The following TGFB1 variants were observed in gnomAD, a reference collection of about 807,000 sequenced individuals.
TGFB1 encodes transforming growth factor beta 1, also known as transforming growth factor beta-1 proprotein.
A neutral mutation model predicts 43.8 loss-of-function variants in TGFB1; 19 were observed. The ratio of observed to expected loss-of-function variants is 0.43; its 90% CI spans 0.30 to 0.64. The LOEUF is 0.64. Ranked by LOEUF, TGFB1 falls within the 30% of genes least tolerant of loss-of-function variation. TGFB1 has a pLI of 0.11. For synonymous variants in TGFB1, 221 were observed against 236.3 expected (o/e 0.94, Z 0.60); for missense variants, 445 against 529.8 (o/e 0.84, Z 1.57).
At chr19:41,343,980 CTTT>C (rs3061192) in intron 3 of TGFB1, among the ~76,000 whole-genome samples, 5 of 98,628 alleles carry the variant, frequency 5.1e-5, no homozygotes, top group Admixed American at 1.2e-4. Context: ...TGCCTGGAAT[CTTT>C]TTTTTTTTTT....
intron 1 of TGFB1, among the ~76,000 whole-genome samples, chr19:41,349,202 A>C (rs2038153462): frequency 6.6e-6 from 1 of 152,164 alleles, no homozygotes; most frequent in South Asian, 2.1e-4. Context: ...ATGGGCAGTT[A>C]ACACCCTCTT....
chr19:41,351,996 C>A (rs2038204865), intron 1 of TGFB1, among the ~76,000 whole-genome samples: 1 of 152,072 alleles, frequency 6.6e-6, no homozygotes, highest in South Asian at 2.1e-4. Flanking sequence ...CTCTGCATCC[C>A]GGGCGCCCTC....
At chr19:41,336,837 C>T (rs2037993341) in intron 5 of TGFB1, among the ~76,000 whole-genome samples, 2 of 151,946 alleles carry the variant, frequency 1.3e-5, no homozygotes, top group South Asian at 4.1e-4. Context: ...AGAGGAATAT[C>T]TAGACAGAGT....
chr19:41,345,513 A>G (rs529298717), intron 2 of TGFB1, among the ~76,000 whole-genome samples: 1 of 152,260 alleles, frequency 6.6e-6, no homozygotes, highest in East Asian at 1.9e-4. Context: ...ATAATAATAA[A>G]TAAAATAAAA....
chr19:41,352,997 C>A lies in TGFB1; in HGVS notation c.48G>T (p.Leu16=). The A allele has an allele frequency of 6.5e-7, 1 of 1,537,348 alleles. No individual in the cohort carries two copies. Among genetic ancestry groups the A allele is most frequent in the Non-Finnish European group, 8.7e-7 (1 of 1,145,556 alleles). ...GGCCAGGCGTCAGCACCAGTAGCCA[C>A]AGCAGCGGTAGCAGCAGCGGCAGCA... ...LRLLPLLLPL[L]WLLVLTPGRP... is the part of the protein sequence containing the mutation. Residue 16 remains leucine (L), a synonymous_variant, in exon 1 of 7, where the codon CTG becomes CTT. Transcript: ENST00000221930.
chr19:41,332,232 T>G lies in TGFB1; in HGVS notation c.910A>C (p.Lys304Gln). The G allele has an allele frequency of 6.2e-7, 1 of 1,614,136 alleles. No individual in the cohort carries two copies. Among genetic ancestry groups the G allele is most frequent in the Non-Finnish European group, 8.5e-7 (1 of 1,180,014 alleles). ...CVRQLYIDFR[K>Q]DLGWKWIHEP... ...TGGATCCACTTCCAGCCGAGGTCCT[T>G]GCGGAAGTCAATGTACAGCTGCCGC... Residue 304 changes from lysine (K) to glutamine (Q), a missense_variant, in exon 6 of 7, where the codon AAG (lysine) becomes CAG (glutamine). Physicochemically the swap from Lys to Gln is moderately conservative, Grantham distance 53 (BLOSUM62 1). Around this residue, in one of 3 missense-constraint regions of TGFB1, gnomAD observed 366 missense variants for 428.8 expected, o/e 0.85. Transcript: ENST00000221930.
rs146412330 is a variant in TGFB1 at position 41,336,155 on chromosome 19, C to G, written c.861-3874G>C. On this transcript the variant is annotated intron_variant, in intron 5 of 6. Coordinates refer to ENST00000221930, the MANE Select transcript of TGFB1 (RefSeq NM_000660.7). The stretch of plus-strand genomic sequence containing the variant: ...GGATTACAGGCACACACCACCATAC[C>G]CAGCTAATTTTTCTGTATTTTTAGT... Among the ~76,000 whole-genome samples the G allele has an allele frequency of 3.6e-3, 546 of 151,928 alleles. 6 individuals carry two copies. The highest frequency in any genetic ancestry group is 0.013 in the African/African-American group (528 of 41,440).
intron 2 of TGFB1, among the ~76,000 whole-genome samples, chr19:41,347,853 G>A (rs1490921193): frequency 2.1e-5 from 3 of 139,936 alleles, no homozygotes; most frequent in African/African-American, 8.0e-5. Flanking sequence ...AAAAAAAGAG[G>A]CCAGGCGCAG....
intron 5 of TGFB1, among the ~76,000 whole-genome samples, chr19:41,334,241 G>A (rs774726420): frequency 1.3e-5 from 2 of 151,964 alleles, no homozygotes; most frequent in African/African-American, 2.4e-5. Context: ...TGGGTGTGGC[G>A]GTGCTTGTCT....
chr19:41,331,523 C>A (rs2037930699), intron 6 of TGFB1, among the ~76,000 whole-genome samples: 1 of 151,400 alleles, frequency 6.6e-6, no homozygotes, highest in South Asian at 2.1e-4. Context: ...CCGCCTCAGC[C>A]TCCGGAGTAG....
At chr19:41,339,297 T>C (rs932531961) in intron 5 of TGFB1, among the ~76,000 whole-genome samples, 3 of 151,954 alleles carry the variant, frequency 2.0e-5, no homozygotes, top group African/African-American at 7.2e-5. Flanking sequence ...TTGTATTTCT[T>C]GTACAGAGGC....
chr19:41,340,497 G>C (rs1319297009), intron 5 of TGFB1, among the ~76,000 whole-genome samples: 1 of 151,982 alleles, frequency 6.6e-6, no homozygotes, highest in Admixed American at 6.6e-5. Flanking sequence ...GGCCAGGCTG[G>C]TCTTGAACTC....
chr19:41,339,590 C>T lies in TGFB1; in HGVS notation c.860+2293G>A, dbSNP rs999309478. Among the ~76,000 whole-genome samples the T allele has an allele frequency of 2.0e-4, 30 of 151,762 alleles. No individual in the cohort carries two copies. In the South Asian group the frequency reaches 4.0e-3, roughly 20 times the overall value. ...CTGTAATCCCAGCACTTTGGGAGGC[C>T]GAGGCGGGTGGATCACGAGGTCAGG... is the stretch of plus-strand genomic sequence containing the variant. On this transcript the variant is annotated intron_variant, in intron 5 of 6. Coordinates refer to ENST00000221930, the MANE Select transcript of TGFB1 (RefSeq NM_000660.7).
intron 1 of TGFB1, among the ~76,000 whole-genome samples, chr19:41,351,742 C>G (rs1251429507): frequency 3.3e-5 from 5 of 152,046 alleles, no homozygotes; most frequent in East Asian, 1.9e-4. Context: ...AGTCACCCCC[C>G]ACCCAGCACT....
At chr19:41,335,516 G>A (rs2037979040) in intron 5 of TGFB1, among the ~76,000 whole-genome samples, 1 of 152,192 alleles carries the variant, frequency 6.6e-6, no homozygotes, top group South Asian at 2.1e-4. Flanking sequence ...ATTCTCAGGT[G>A]GCACCCCAGG....
At position 41,348,310 on chromosome 19, in the gene TGFB1, G is replaced by C; in HGVS notation, c.501C>G (p.His167Gln). The C allele has an allele frequency of 1.2e-6, 2 of 1,612,924 alleles. No individual in the cohort carries two copies. Among genetic ancestry groups the C allele is most frequent in the South Asian group, 1.1e-5 (1 of 91,044 alleles). The change falls in exon 2 of 7, where the codon CAC becomes CAG. Residue 167 changes from histidine to glutamine, a missense_variant. Physicochemically the swap from His to Gln is conservative, Grantham distance 24 (BLOSUM62 0). This residue lies in a region of TGFB1 where 366 missense variants were observed against 428.8 expected (regional missense o/e 0.85). Transcript: ENST00000221930. ...LLRLKLKVEQHVELYQKYSNN... is the reference protein window; with the variant it reads ...LLRLKLKVEQQVELYQKYSNN... ...ATGTCCTCACCTGGTACAGCTCCAC[G>C]TGCTGCTCCACTTTTAACTTGAGCC...
intron 2 of TGFB1, among the ~76,000 whole-genome samples, chr19:41,346,227 G>A (rs1448412246): frequency 6.6e-6 from 1 of 152,152 alleles, no homozygotes; most frequent in African/African-American, 2.4e-5. Flanking sequence ...GTGCATGCCT[G>A]TAATCCCAGC....
chr19:41,353,811 G>C lies in TGFB1; in HGVS notation c.-767C>G, dbSNP rs1027100229. On this transcript the variant is annotated 5_prime_UTR_variant, in exon 1 of 7. Coordinates refer to ENST00000221930, the MANE Select transcript of TGFB1 (RefSeq NM_000660.7). The surrounding 1 kb of genome is among the most constrained non-coding windows in gnomAD (Gnocchi z 5.9). ...CCCGCGGGCGGCTCAGAGCCGGGGG[G>C]GTGCCCCGGACGGGGCGTCCCCCCT... is the stretch of plus-strand genomic sequence containing the variant. 6.6e-6 allele frequency: 1 copy of C among 152,606 alleles called. No individual in the cohort carries two copies. The highest frequency in any genetic ancestry group is 2.4e-5 in the African/African-American group (1 of 41,336). 9.5% of individuals were successfully genotyped at this position (152,606 alleles called of 1,614,324 possible). A position where few individuals can be genotyped will look rare whatever the true frequency, so the allele number is the denominator to read the frequency against.
intron 5 of TGFB1, among the ~76,000 whole-genome samples, chr19:41,338,037 C>T (rs1388007539): frequency 6.6e-6 from 1 of 151,378 alleles, no homozygotes; most frequent in Non-Finnish European, 1.5e-5. Flanking sequence ...ACTAAAAATA[C>T]AAAAATTACC....
Sources: gnomAD v4.1 joint callset for allele counts (sites outside exome capture counted in the v4.1 genomes callset) on GRCh38, gnomAD v4.1.1 for gene constraint, gnomAD v4.1.1 regional missense constraint, Gnocchi (gnomAD v3.1) non-coding constraint, MANE v1.5 for transcripts, NCBI Gene and HGNC (gene_info 2026-07-23, HGNC 2026-07-21) for gene names.